Variants in C12orf42 observed in about 807,000 individuals in gnomAD.
C12orf42 encodes the protein chromosome 12 open reading frame 42.
Under a neutral mutation model 21.6 loss-of-function variants are expected in C12orf42, and 25 were observed. That is an observed-to-expected ratio of 1.16 (90% CI 0.84 to 1.62). The LOEUF (loss-of-function observed/expected upper bound fraction) is 1.62, where lower values mean the gene tolerates loss of function less well. Ranked by LOEUF, C12orf42 falls within the 40% of genes most tolerant of loss-of-function variation. C12orf42 has a pLI of 0.00. For missense variants in C12orf42, 483 were observed against 459.3 expected (o/e 1.05, Z -0.47); for synonymous variants, 174 against 175.0 (o/e 0.99, Z 0.05).
At chr12:103,311,753 A>G (rs548126486) in intron 4 of C12orf42, among the ~76,000 whole-genome samples, 1 of 152,300 alleles carries the variant, frequency 6.6e-6, no homozygotes, top group African/African-American at 2.4e-5. Context: ...TCCTGGCTGC[A>G]CATCAGACAA....
At chr12:103,116,381 A>AAAATATATATATAT in the C12orf42 span, among the ~76,000 whole-genome samples, 427 of 136,636 alleles carry the variant, frequency 3.1e-3, no homozygotes, top group African/African-American at 0.011. Context: ...AAAAAAAAAA[A>AAAATATATATATAT]ATATATATAT....
At chr12:103,560,829 C>T in the C12orf42 span, among the ~76,000 whole-genome samples, 2 of 152,136 alleles carry the variant, frequency 1.3e-5, no homozygotes, top group African/African-American at 4.8e-5. Context: ...CAAGATCATG[C>T]CTGCAAAGTA....
the C12orf42 span, among the ~76,000 whole-genome samples, chr12:103,524,697 T>C: frequency 1.6e-4 from 24 of 152,274 alleles, no homozygotes; most frequent in Middle Eastern, 6.8e-3. Context: ...AGGTAGCCCA[T>C]GATGAATAGC....
intron 2 of C12orf42, among the ~76,000 whole-genome samples, chr12:103,442,678 A>G (rs1002868114): frequency 6.6e-6 from 1 of 152,192 alleles, no homozygotes; most frequent in African/African-American, 2.4e-5. Context: ...AGAACAATGT[A>G]GATAATAAAA....
At chr12:103,362,374 A>G (rs111713864) in intron 4 of C12orf42, among the ~76,000 whole-genome samples, 288 of 152,234 alleles carry the variant, frequency 1.9e-3, no homozygotes, top group African/African-American at 6.4e-3. Context: ...TGAACCCCAG[A>G]TCTTCCCTCT....
the C12orf42 span, among the ~76,000 whole-genome samples, chr12:103,169,315 A>G: frequency 5.3e-5 from 8 of 152,104 alleles, no homozygotes; most frequent in East Asian, 1.9e-4. Context: ...AAGCTCATCT[A>G]TAAAACCAAC....
intron 2 of C12orf42, among the ~76,000 whole-genome samples, chr12:103,458,626 GTCA>G (rs1469836081): frequency 6.6e-6 from 1 of 152,112 alleles, no homozygotes; most frequent in Non-Finnish European, 1.5e-5. Context: ...TTTTTGTTCT[GTCA>G]TCCCCATCAT....
At chr12:103,543,223 A>G in the C12orf42 span, among the ~76,000 whole-genome samples, 3 of 152,212 alleles carry the variant, frequency 2.0e-5, no homozygotes, top group African/African-American at 7.2e-5. Context: ...GCTGGAGAAG[A>G]GGCCAGAGAA....
At chr12:103,312,748 C>T (rs1428675730) in intron 4 of C12orf42, among the ~76,000 whole-genome samples, 1 of 152,182 alleles carries the variant, frequency 6.6e-6, no homozygotes, top group Non-Finnish European at 1.5e-5. Flanking sequence ...ACAGGACTTC[C>T]ATCTGTTGCC....
the C12orf42 span, among the ~76,000 whole-genome samples, chr12:103,184,307 C>T: frequency 6.6e-6 from 1 of 152,244 alleles, no homozygotes. Context: ...TAATGCCCCA[C>T]TTGGTCTCTA....
At chr12:103,174,292 A>G in the C12orf42 span, among the ~76,000 whole-genome samples, 1 of 152,206 alleles carries the variant, frequency 6.6e-6, no homozygotes, top group Non-Finnish European at 1.5e-5. Flanking sequence ...CTAAACATAC[A>G]TGTATATCAG....
the C12orf42 span, among the ~76,000 whole-genome samples, chr12:103,118,772 T>TG: frequency 4.8e-5 from 2 of 41,640 alleles, no homozygotes; most frequent in Non-Finnish European, 8.5e-5. Flanking sequence ...CACTCCAGCC[T>TG]AAAAAAAAAA....
the C12orf42 span, among the ~76,000 whole-genome samples, chr12:103,532,042 T>C: frequency 6.6e-6 from 1 of 152,230 alleles, no homozygotes; most frequent in Non-Finnish European, 1.5e-5. Flanking sequence ...AAAAATTCCT[T>C]GCTATCATGT....
At chr12:103,400,029 C>A (rs767295438) in intron 3 of C12orf42, among the ~76,000 whole-genome samples, 1 of 151,726 alleles carries the variant, frequency 6.6e-6, no homozygotes, top group Non-Finnish European at 1.5e-5. Flanking sequence ...ACAAATAATA[C>A]GAAAGTATTT....
At chr12:103,380,370 A>T (rs1000956931) in intron 3 of C12orf42, among the ~76,000 whole-genome samples, 1 of 152,062 alleles carries the variant, frequency 6.6e-6, no homozygotes, top group African/African-American at 2.4e-5. Flanking sequence ...TTTTTTGTAA[A>T]CTGTTATTTC....
intron 2 of C12orf42, among the ~76,000 whole-genome samples, chr12:103,471,219 T>C (rs1444421845): frequency 6.6e-6 from 1 of 152,216 alleles, no homozygotes; most frequent in Non-Finnish European, 1.5e-5. Flanking sequence ...ATACAATATA[T>C]AATATTAATG....
At chr12:103,472,629 T>A (rs1243629797) in intron 2 of C12orf42, among the ~76,000 whole-genome samples, 1 of 152,144 alleles carries the variant, frequency 6.6e-6, no homozygotes, top group Non-Finnish European at 1.5e-5. Context: ...GAAAATTAGC[T>A]GGCCCAATCT....
chr12:103,116,248 C>T, the C12orf42 span, among the ~76,000 whole-genome samples: 2 of 151,778 alleles, frequency 1.3e-5, no homozygotes, highest in African/African-American at 4.8e-5. Context: ...CCTATAATCC[C>T]AGCTACTCGG....
intron 2 of C12orf42, among the ~76,000 whole-genome samples, chr12:103,416,056 C>A (rs1320057543): frequency 1.4e-5 from 2 of 146,188 alleles, no homozygotes; most frequent in African/African-American, 5.0e-5. Context: ...ATTGGCCTTT[C>A]TGCAACTGAG....
Sources: gnomAD v4.1 joint callset for allele counts (sites outside exome capture counted in the v4.1 genomes callset) on GRCh38, gnomAD v4.1.1 for gene constraint, MANE v1.5 for transcripts, NCBI Gene and HGNC (gene_info 2026-07-23, HGNC 2026-07-21) for gene names.